The following EXOC7 variants were observed in gnomAD, a reference collection of about 807,000 sequenced individuals.
EXOC7 encodes exocyst complex component Exo70.
EXOC7 carries 51 observed loss-of-function variants against 87.6 expected under a neutral mutation model. The observed-to-expected ratio is 0.58, with a 90% CI of 0.46 to 0.73. The LOEUF (loss-of-function observed/expected upper bound fraction) is 0.73, where lower values mean the gene tolerates loss of function less well. Among genes scored for constraint, EXOC7 ranks in the 30% least tolerant of loss-of-function variants. The probability of loss-of-function intolerance (pLI) is 0.00; values close to 1 mark genes in which losing one functional copy is unlikely to be tolerated. For missense variants in EXOC7, 744 were observed against 888.4 expected, an observed-to-expected ratio of 0.84 and a Z score of 2.07; for synonymous variants, 327 against 357.1, an observed-to-expected ratio of 0.92 and a Z score of 0.95.
At chr17:76,086,836 C>A in intron 12 of EXOC7, 5 of 1,550,604 alleles carry the variant, frequency 3.2e-6, no homozygotes, top group Non-Finnish European at 4.4e-6. Context: ...GAGGGGGCTG[C>A]AGAACCGCAC....
At chr17:76,096,717 C>T (rs1192410909) in intron 5 of EXOC7, among the ~76,000 whole-genome samples, 1 of 152,048 alleles carries the variant, frequency 6.6e-6, no homozygotes, top group African/African-American at 2.4e-5. Context: ...CCACCACGCC[C>T]AGCTAATTTT....
At position 76,084,513 on chromosome 17, in the gene EXOC7, C is replaced by T. The variant is rs368446640; in HGVS notation, c.1776+4G>A. 77 of 1,613,708 alleles carry T rather than the reference C, an allele frequency of 4.8e-5. No homozygotes were observed. In the African/African-American group the frequency reaches 9.3e-4, roughly 20 times the overall value. ...CCCCTTCCCAGCCCAGGTCTTGAGC[C>T]CACCTTGACTCCCGGCTGGAACACA... is the stretch of plus-strand genomic sequence containing the variant. On this transcript the variant is annotated splice_donor_region_variant and intron_variant, in intron 16 of 18. Transcript: ENST00000589210.
Position 76,101,396 on chromosome 17 carries a change from G to A in EXOC7, c.312-20C>T. On this transcript the variant is annotated intron_variant, in intron 3 of 18. Transcript: ENST00000589210. Reference sequence around the variant, plus strand: ...GTGGGGCTGGGAAAGAAAAGAGCCAGGTCAGGCTGGGGCATGGGGGATGAA... The same window carrying A: ...GTGGGGCTGGGAAAGAAAAGAGCCAAGTCAGGCTGGGGCATGGGGGATGAA... 1 of 1,613,748 alleles carries A rather than the reference G, an allele frequency of 6.2e-7. No individual in the cohort carries two copies.
At chr17:76,087,266 G>A (rs1301944175) in intron 12 of EXOC7, 8 of 378,362 alleles carry the variant, frequency 2.1e-5, no homozygotes, top group East Asian at 5.5e-5. Flanking sequence ...GACGCCCAGC[G>A]GGCCCTGAGA....
At position 76,103,365 on chromosome 17, in the gene EXOC7, T is replaced by G. The variant is rs761413882; in HGVS notation, c.122A>C (p.Asn41Thr). The G allele has an allele frequency of 1.1e-5, 18 of 1,600,294 alleles. No homozygotes were observed. The highest frequency in any genetic ancestry group is 1.4e-5 in the Non-Finnish European group (17 of 1,173,280). ...SLEKSDQLTK[N>T]MVSILSSFES... is the part of the protein sequence containing the mutation. ...CCCAGCTGCGGGGAGACTCACCATG[T>G]TCTTAGTGAGCTGGTCGCTCTTCTC... The change falls in exon 2 of 19, where the codon AAC (asparagine) becomes ACC (threonine). Residue 41 changes from asparagine (N) to threonine (T), a missense_variant. Coordinates refer to ENST00000589210, the MANE Select transcript of EXOC7 (RefSeq NM_001013839.4).
At chr17:76,099,973 A>G (rs996078466) in intron 4 of EXOC7, among the ~76,000 whole-genome samples, 3 of 152,160 alleles carry the variant, frequency 2.0e-5, no homozygotes, top group Admixed American at 6.5e-5. Context: ...ATGGTTGCAC[A>G]TGCCTGTGGG....
chr17:76,091,010 C>T (rs1435824178), intron 7 of EXOC7, 133 bp downstream of exon 7: 15 of 755,662 alleles, frequency 2.0e-5, no homozygotes, highest in African/African-American at 6.9e-5. Flanking sequence ...CGAGTGGCAT[C>T]GGGGACCTGC....
At position 76,103,662 on chromosome 17, in the gene EXOC7, G is replaced by C. The variant is rs748749630; in HGVS notation, c.31C>G (p.Arg11Gly). 3 of 1,613,226 alleles carry C rather than the reference G, an allele frequency of 1.9e-6. No homozygotes were observed. Among genetic ancestry groups the C allele is most frequent in the Non-Finnish European group, 2.5e-6 (3 of 1,179,690 alleles). MIPPQEASAR[R>G]REIEDKLKQE... ...TTCAGCTTGTCCTCAATCTCCCGCCGTCGAGCGGATGCCTCCTGTGGGGGA... is the reference window on the plus strand; with the variant it reads ...TTCAGCTTGTCCTCAATCTCCCGCCCTCGAGCGGATGCCTCCTGTGGGGGA... Residue 11 changes from arginine (R) to glycine (G), a missense_variant, in exon 1 of 19, where the codon CGG (arginine) becomes GGG (glycine). This residue lies in a region of EXOC7 where 512 missense variants were observed against 573.0 expected (regional missense o/e 0.89). Coordinates refer to ENST00000589210, the MANE Select transcript of EXOC7 (RefSeq NM_001013839.4).
chr17:76,096,064 G>C lies in EXOC7; in HGVS notation c.641-1483C>G, dbSNP rs2144670312. On this transcript the variant is annotated intron_variant, in intron 5 of 18. Transcript: ENST00000589210. ...CCTAAGGAGCTCCTGAAAATCTTCT[G>C]CCGAGCTGTCATCAGCTCACGAGCC... 1.3e-5 allele frequency among the ~76,000 whole-genome samples: 2 copies of C among 152,236 alleles called. 1 individual carries two copies. The highest frequency in any genetic ancestry group is 4.1e-4 in the South Asian group (2 of 4,822).
chr17:76,102,286 G>T (rs563007086), intron 2 of EXOC7, among the ~76,000 whole-genome samples: 3 of 152,196 alleles, frequency 2.0e-5, no homozygotes, highest in African/African-American at 7.2e-5. Flanking sequence ...ATTGAATAAG[G>T]ACTAGAGGCT....
At chr17:76,101,596 C>G in intron 3 of EXOC7, 83 bp downstream of exon 3, 1 of 1,499,556 alleles carries the variant, frequency 6.7e-7, no homozygotes, top group Non-Finnish European at 9.0e-7. Flanking sequence ...ACCTCAGCCT[C>G]CCAAATTGTT....
rs375898705 is a variant in EXOC7 at position 76,087,764 on chromosome 17, G to A, written c.1363-44C>T. 18 of 1,542,936 alleles carry A rather than the reference G, an allele frequency of 1.2e-5. No individual in the cohort carries two copies. The East Asian group carries it at 1.2e-4, about 10-fold the overall frequency. On this transcript the variant is annotated intron_variant, in intron 11 of 18. Coordinates refer to ENST00000589210, the MANE Select transcript of EXOC7 (RefSeq NM_001013839.4). The stretch of plus-strand genomic sequence containing the variant: ...GTGCAGAAGGGCAAGTGGCAGGCCC[G>A]GCCGACGGCCTCCCACAGCGACCCC...
chr17:76,103,188 G>A (rs62090099), intron 2 of EXOC7, 173 bp downstream of exon 2: 18 of 628,974 alleles, frequency 2.9e-5, no homozygotes, highest in Non-Finnish European at 4.8e-5. Flanking sequence ...TACGGAACAT[G>A]GGGAGGGGGC....
At chr17:76,091,324 C>T (rs2067471724) in intron 6 of EXOC7, 89 bp from the exon 7 acceptor site, 9 of 1,065,138 alleles carry the variant, frequency 8.4e-6, no homozygotes, top group Non-Finnish European at 1.3e-5. Context: ...GCCCCCCAGG[C>T]CCCGCACCCA....
rs753719494 is a variant in EXOC7, at chr17:76,083,960, C to T, written c.1952+46G>A. 2.0e-6 allele frequency: 3 copies of T among 1,510,050 alleles called. No homozygotes were observed. In the East Asian group the frequency reaches 7.1e-5, roughly 36 times the overall value. The allele number at this position is 1,510,050 out of a possible 1,614,324, so 93.5% of individuals were successfully genotyped here. A position where few individuals can be genotyped will look rare whatever the true frequency, so the allele number is the denominator to read the frequency against. On this transcript the variant is annotated intron_variant, in intron 18 of 18. Transcript: ENST00000589210. ...AGGAAGAGGAGCTTGAAGAGGCCCA[C>T]TGGGGCTGTGGGCAGCACAGGCTGG...
chr17:76,086,033 G>A (rs1282192711), intron 13 of EXOC7, 47 bp downstream of exon 13: 3 of 1,602,248 alleles, frequency 1.9e-6, no homozygotes, highest in Non-Finnish European at 2.6e-6. Flanking sequence ...GGGAAAGGCA[G>A]GGCATGCAGG....
chr17:76,101,417 A>G (rs577359556), intron 3 of EXOC7, 41 bp from the exon 4 acceptor site: 2 of 1,610,582 alleles, frequency 1.2e-6, no homozygotes, highest in Admixed American at 1.7e-5. Flanking sequence ...GGCATGGGGG[A>G]TGAAGAAGGA....
intron 3 of EXOC7, 34 bp from the exon 4 acceptor site, chr17:76,101,410 A>G: frequency 6.2e-7 from 1 of 1,612,008 alleles, no homozygotes; most frequent in Non-Finnish European, 8.5e-7. Context: ...AGGCTGGGGC[A>G]TGGGGGATGA....
chr17:76,087,506 G>T, intron 12 of EXOC7, 148 bp downstream of exon 12: 1 of 736,970 alleles, frequency 1.4e-6, no homozygotes, highest in Non-Finnish European at 2.2e-6. Context: ...TTGCTCTCCT[G>T]ATGCTCAGCC....
Sources: allele counts gnomAD v4.1 joint callset (sites outside exome capture counted in the v4.1 genomes callset), GRCh38; gene constraint gnomAD v4.1.1; regional missense constraint gnomAD v4.1.1; transcripts MANE v1.5; gene names NCBI Gene and HGNC (gene_info 2026-07-23, HGNC 2026-07-21).